PRKCB: variants seen among roughly 807,000 people sequenced by gnomAD.
The protein encoded by PRKCB is protein kinase C beta type.
In PRKCB, 13 loss-of-function variants were observed where a neutral mutation model predicts 81.5. The ratio of observed to expected loss-of-function variants is 0.16; its 90% confidence interval spans 0.10 to 0.25. The LOEUF is 0.25. PRKCB is among the 10% of genes least tolerant of loss of function. The pLI is 1.00. For missense variants in PRKCB, 509 were observed against 875.7 expected (o/e 0.58, Z 5.29); for synonymous variants, 335 against 321.4 (o/e 1.04, Z -0.45).
chr16:24,212,572 G>A (rs2141994510), intron 16 of PRKCB, among the ~76,000 whole-genome samples: 1 of 149,476 alleles, frequency 6.7e-6, no homozygotes, highest in Admixed American at 6.7e-5. Context: ...TACCTCGCTG[G>A]CTCAAGCAAT....
chr16:24,147,690 G>T (rs1414499956), intron 9 of PRKCB, among the ~76,000 whole-genome samples: 1 of 152,218 alleles, frequency 6.6e-6, no homozygotes, highest in Non-Finnish European at 1.5e-5. Flanking sequence ...AGGGCTTGAT[G>T]ATGGGTGTGT....
At chr16:24,000,988 GGT>G (rs1491389782) in intron 3 of PRKCB, among the ~76,000 whole-genome samples, 5 of 86,306 alleles carry the variant, frequency 5.8e-5, no homozygotes, top group South Asian at 5.7e-4. Flanking sequence ...TAAATAAAGC[GGT>G]TTTTTTTTTT....
intron 5 of PRKCB, among the ~76,000 whole-genome samples, chr16:24,062,274 C>T (rs1246770374): frequency 6.6e-6 from 1 of 152,168 alleles, no homozygotes; most frequent in Non-Finnish European, 1.5e-5. Context: ...GTGGTTGGCT[C>T]AGTGTCAGCT....
At chr16:24,105,263 G>A (rs2141911074) in intron 7 of PRKCB, among the ~76,000 whole-genome samples, 1 of 152,148 alleles carries the variant, frequency 6.6e-6, no homozygotes, top group Non-Finnish European at 1.5e-5. Flanking sequence ...CACCATGTTG[G>A]CCAGGCTGGT....
chr16:24,075,543 C>G (rs1371186622), intron 5 of PRKCB, among the ~76,000 whole-genome samples: 1 of 152,136 alleles, frequency 6.6e-6, no homozygotes, highest in African/African-American at 2.4e-5. Context: ...TGATTCAGTT[C>G]CTCTGTTTGG....
chr16:23,877,471 A>G (rs78974357), intron 2 of PRKCB, among the ~76,000 whole-genome samples: 2,301 of 152,240 alleles, frequency 0.015, 59 homozygotes, highest in African/African-American at 0.051. Flanking sequence ...CCCCTCTACA[A>G]TCCCATATAA....
intron 2 of PRKCB, among the ~76,000 whole-genome samples, chr16:23,975,584 G>A (rs564026016): frequency 6.0e-4 from 92 of 152,190 alleles, no homozygotes; most frequent in African/African-American, 2.1e-3. Flanking sequence ...TGAGTCACAC[G>A]CCCACGCCTG....
chr16:24,017,646 A>C (rs1965296222), intron 3 of PRKCB, among the ~76,000 whole-genome samples: 1 of 152,234 alleles, frequency 6.6e-6, no homozygotes. Context: ...ATACACAGGA[A>C]AATTTGTTAC....
intron 2 of PRKCB, among the ~76,000 whole-genome samples, chr16:23,949,017 G>C (rs1445617619): frequency 1.3e-5 from 2 of 152,146 alleles, no homozygotes; most frequent in Non-Finnish European, 2.9e-5. Context: ...ATAATTTTTC[G>C]AGGAGTGGTA....
chr16:23,890,613 T>C (rs1226404008), intron 2 of PRKCB, among the ~76,000 whole-genome samples: 1 of 152,166 alleles, frequency 6.6e-6, no homozygotes, highest in Non-Finnish European at 1.5e-5. Flanking sequence ...CCAATCCTAA[T>C]GCCCGTGCCA....
At chr16:24,105,588 T>G (rs1215878139) in intron 7 of PRKCB, among the ~76,000 whole-genome samples, 1 of 152,180 alleles carries the variant, frequency 6.6e-6, no homozygotes, top group Non-Finnish European at 1.5e-5. Flanking sequence ...TGTGTCCATG[T>G]GTTCTCATTG....
At position 24,172,311 on chromosome 16, in the gene PRKCB, C is replaced by T; in HGVS notation, c.1281C>T (p.Asp427=). ...YFVMEYVNGG[D]LMYHIQQVGR... ...TGATGGAGTACGTGAATGGGGGCGA[C>T]CTCATGTATCACATCCAGCAAGTCG... is the stretch of plus-strand genomic sequence containing the variant. Residue 427 remains aspartate, a synonymous_variant, in exon 11 of 17, where the codon GAC becomes GAT. Coordinates refer to ENST00000643927, the MANE Select transcript of PRKCB (RefSeq NM_002738.7). The T allele has an allele frequency of 2.5e-6, 4 of 1,613,990 alleles. No homozygotes were observed. Among genetic ancestry groups the T allele is most frequent in the Non-Finnish European group, 3.4e-6 (4 of 1,179,954 alleles).
rs1193338107 is a variant in PRKCB at position 24,214,684 on chromosome 16, C to A, written c.1890C>A (p.Asp630Glu). The stretch of plus-strand genomic sequence containing the variant: ...GTGGGCGAAATGCTGAAAACTTCGA[C>A]CGATTTTTCACCCGCCATCCACCAG... The part of the protein sequence containing the change: ...KACGRNAENF[D>E]RFFTRHPPVL... Residue 630 changes from aspartate to glutamate, a missense_variant, in exon 17 of 17, where the codon GAC (aspartate) becomes GAA (glutamate). Physicochemically the swap from Asp to Glu is conservative, Grantham distance 45 (BLOSUM62 2). Around this residue, in one of 6 missense-constraint regions of PRKCB, gnomAD observed 104 missense variants for 160.5 expected, o/e 0.65. Coordinates refer to ENST00000643927, the MANE Select transcript of PRKCB (RefSeq NM_002738.7). 1.2e-6 allele frequency: 2 copies of A among 1,614,104 alleles called. No individual in the cohort carries two copies. Among genetic ancestry groups the A allele is most frequent in the Non-Finnish European group, 1.7e-6 (2 of 1,180,026 alleles).
intron 5 of PRKCB, among the ~76,000 whole-genome samples, chr16:24,050,578 C>T (rs889644273): frequency 6.6e-6 from 1 of 152,136 alleles, no homozygotes; most frequent in African/African-American, 2.4e-5. Flanking sequence ...GCCATTAATG[C>T]TTACCTCTAC....
Position 24,217,957 on chromosome 16 carries a change from A to T in PRKCB, c.*3141A>T, listed in dbSNP as rs1267917545. ...AATCAATTCCATTGTTTTGCCTCAGAGTAAAGTTTCTGGCTCGGGGACAAT... is the reference window on the plus strand; with the variant it reads ...AATCAATTCCATTGTTTTGCCTCAGTGTAAAGTTTCTGGCTCGGGGACAAT... On this transcript the variant is annotated 3_prime_UTR_variant, in exon 17 of 17. Transcript: ENST00000643927. 7 of 985,286 alleles carry T rather than the reference A, an allele frequency of 7.1e-6. No individual in the cohort carries two copies. Among genetic ancestry groups the T allele is most frequent in the Non-Finnish European group, 8.4e-6 (7 of 829,938 alleles). 61.0% of individuals were successfully genotyped at this position (985,286 alleles called of 1,614,324 possible).
At chr16:24,188,196 C>G (rs184879963) in intron 15 of PRKCB, among the ~76,000 whole-genome samples, 1 of 152,276 alleles carries the variant, frequency 6.6e-6, no homozygotes, top group Non-Finnish European at 1.5e-5. Flanking sequence ...GGGTGACTCT[C>G]TTACTATTGA....
At chr16:24,036,795 G>A (rs1286243000) in intron 5 of PRKCB, among the ~76,000 whole-genome samples, 2 of 152,166 alleles carry the variant, frequency 1.3e-5, no homozygotes, top group African/African-American at 2.4e-5. Flanking sequence ...AGGGAAGCCA[G>A]TTTTCCCCAC....
intron 2 of PRKCB, among the ~76,000 whole-genome samples, chr16:23,908,966 C>T (rs886247808): frequency 2.6e-5 from 4 of 152,212 alleles, no homozygotes; most frequent in African/African-American, 7.2e-5. Context: ...TTCCTCTGCA[C>T]GTCCTTAGCA....
chr16:23,993,530 C>T (rs145915918), intron 3 of PRKCB, among the ~76,000 whole-genome samples: 104 of 152,222 alleles, frequency 6.8e-4, no homozygotes, highest in African/African-American at 2.5e-3. Context: ...GTCAGACATA[C>T]CTTTAAGAAA....
Sources: allele counts gnomAD v4.1 joint callset (sites outside exome capture counted in the v4.1 genomes callset), GRCh38; gene constraint gnomAD v4.1.1; regional missense constraint gnomAD v4.1.1; transcripts MANE v1.5; gene names NCBI Gene and HGNC (gene_info 2026-07-23, HGNC 2026-07-21).